The following PALB2 variants were observed in gnomAD, a reference collection of about 807,000 sequenced individuals.
The protein encoded by PALB2 is mutant partner and localizer of BRCA2.
PALB2 carries 82 observed loss-of-function variants against 107.4 expected under a neutral mutation model. That is an observed-to-expected ratio of 0.76 (90% CI 0.64 to 0.92). The LOEUF (loss-of-function observed/expected upper bound fraction) is 0.92. PALB2 is among the 40% of genes least tolerant of loss of function. The probability of loss-of-function intolerance (pLI) is 0.00; values close to 1 mark genes in which losing one functional copy is unlikely to be tolerated. For missense variants in PALB2, 1,374 were observed against 1,379.9 expected (o/e 1.00, Z 0.07); for synonymous variants, 489 against 496.8 (o/e 0.98, Z 0.21).
intron 7 of PALB2, among the ~76,000 whole-genome samples, 156 bp downstream of exon 7, chr16:23,626,080 T>C (rs759065469): frequency 4.6e-5 from 7 of 152,244 alleles, no homozygotes; most frequent in Non-Finnish European, 1.0e-4. Context: ...ACAACTTTTC[T>C]GGATGTTTGA....
chr16:23,619,109 G>A (rs1966730660), intron 10 of PALB2, among the ~76,000 whole-genome samples: 1 of 152,124 alleles, frequency 6.6e-6, no homozygotes, highest in African/African-American at 2.4e-5. Context: ...CTAGGGTAGT[G>A]GTCACACTAA....
intron 11 of PALB2, among the ~76,000 whole-genome samples, chr16:23,612,375 C>T (rs924695174): frequency 9.9e-5 from 15 of 151,930 alleles, no homozygotes; most frequent in Middle Eastern, 3.4e-3. Flanking sequence ...CCTGACATGA[C>T]ATCTGGCTAA....
intron 11 of PALB2, among the ~76,000 whole-genome samples, chr16:23,609,488 A>C (rs1308885052): frequency 6.6e-6 from 1 of 152,192 alleles, no homozygotes; most frequent in Non-Finnish European, 1.5e-5. Flanking sequence ...AGAGGCTGAC[A>C]AACTATGGCC....
Position 23,630,244 on chromosome 16 carries a change from G to C in PALB2, c.1910C>G (p.Pro637Arg), listed in dbSNP as rs878855104. 6.2e-7 allele frequency: 1 copy of C among 1,614,064 alleles called. No individual in the cohort carries two copies. Among genetic ancestry groups the C allele is most frequent in the South Asian group, 1.1e-5 (1 of 91,076 alleles). Residue 637 changes from proline to arginine, a missense_variant, in exon 5 of 13, where the codon CCC becomes CGC. Pro to Arg is a moderately radical substitution (Grantham distance 103, BLOSUM62 -2). Transcript: ENST00000261584. ...VKSCSEKPVE[P>R]FESKMFGERH... Reference sequence around the variant, plus strand: ...CTCTCCAAACATTTTTGACTCAAAGGGCTCCACTGGTTTTTCTGAGCAGGA... The same window carrying C: ...CTCTCCAAACATTTTTGACTCAAAGCGCTCCACTGGTTTTTCTGAGCAGGA...
intron 4 of PALB2, among the ~76,000 whole-genome samples, chr16:23,630,888 T>C (rs1293741817): frequency 6.6e-6 from 1 of 151,876 alleles, no homozygotes; most frequent in Non-Finnish European, 1.5e-5. Context: ...GGTAAGAGAA[T>C]TGCTTGAGCC....
At chr16:23,609,805 C>T (rs969814937) in intron 11 of PALB2, among the ~76,000 whole-genome samples, 7 of 152,078 alleles carry the variant, frequency 4.6e-5, no homozygotes, top group South Asian at 2.1e-4. Context: ...CGTGAGCCAC[C>T]GCGCCTGGCC....
In PALB2 at chr16:23,637,851, T is replaced by C. The variant is rs786202650; in HGVS notation, c.210A>G (p.Ser70=). 1 of 1,607,512 alleles carries C rather than the reference T, an allele frequency of 6.2e-7. No individual in the cohort carries two copies. Among genetic ancestry groups the C allele is most frequent in the African/African-American group, 1.3e-5 (1 of 74,914 alleles). The part of the protein sequence containing the change: ...QQDLSPQLKH[S]EPKNKICVYD... ...CATAAGTGAATGGTCTAGATTTACCTGAGTGTTTTAGCTGCGGTGAGAGAT... is the reference window on the plus strand; with the variant it reads ...CATAAGTGAATGGTCTAGATTTACCCGAGTGTTTTAGCTGCGGTGAGAGAT... The change falls in exon 3 of 13, where the codon TCA becomes TCG. Residue 70 remains serine, a splice_region_variant and synonymous_variant. Transcript: ENST00000261584.
rs1567218470 is a variant in PALB2, at chr16:23,630,222, T to G, written c.1932A>C (p.Gly644=). 3.1e-6 allele frequency: 5 copies of G among 1,614,130 alleles called. No individual in the cohort carries two copies. The highest frequency in any genetic ancestry group is 4.2e-6 in the Non-Finnish European group (5 of 1,180,026). Residue 644 remains glycine, a synonymous_variant, in exon 5 of 13, where the codon GGA becomes GGC. Coordinates refer to ENST00000261584, the MANE Select transcript of PALB2 (RefSeq NM_024675.4). ...PVEPFESKMF[G]ERHLKEGSCI... is the part of the protein sequence containing the mutation. ...AGCTTCCCTCTTTAAGATGTCTCTC[T>G]CCAAACATTTTTGACTCAAAGGGCT... is the stretch of plus-strand genomic sequence containing the variant.
At chr16:23,631,524 T>TATAA (rs1195672067) in intron 4 of PALB2, among the ~76,000 whole-genome samples, 165 of 151,898 alleles carry the variant, frequency 1.1e-3, no homozygotes, top group African/African-American at 3.9e-3. Context: ...TGGCCAACAG[T>TATAA]ATAAATAAAT....
At chr16:23,636,963 C>A (rs1967077963) in intron 3 of PALB2, among the ~76,000 whole-genome samples, 1 of 152,040 alleles carries the variant, frequency 6.6e-6, no homozygotes, top group Admixed American at 6.6e-5. Flanking sequence ...TTAAAAAAAA[C>A]CTTTCACTGG....
chr16:23,638,356 T>C (rs1325120121), intron 1 of PALB2: 2 of 597,934 alleles, frequency 3.3e-6, no homozygotes, highest in African/African-American at 1.9e-5. Context: ...TTCCTACTGA[T>C]TCCTCAAACC....
chr16:23,631,334 T>C (rs75285377), intron 4 of PALB2, among the ~76,000 whole-genome samples: 2 of 131,476 alleles, frequency 1.5e-5, no homozygotes, highest in Non-Finnish European at 3.2e-5. Context: ...CTGGGCATGG[T>C]GGTGCGTGCC....
chr16:23,624,793 G>A (rs12932048), intron 7 of PALB2, among the ~76,000 whole-genome samples: 3 of 152,190 alleles, frequency 2.0e-5, no homozygotes, highest in African/African-American at 4.8e-5. Flanking sequence ...TTACAGGCGT[G>A]AGCCACCTCG....
chr16:23,607,827 A>T (rs761299576), intron 12 of PALB2, 37 bp downstream of exon 12: 1 of 1,612,616 alleles, frequency 6.2e-7, no homozygotes, highest in Non-Finnish European at 8.5e-7. Context: ...GCCTTTCAGA[A>T]TGTCCCACCC....
rs1200825980 is a variant in PALB2, at chr16:23,634,977, T to C, written c.1569A>G (p.Ala523=). 2 of 1,614,088 alleles carry C rather than the reference T, an allele frequency of 1.2e-6. No homozygotes were observed. Among genetic ancestry groups the C allele is most frequent in the African/African-American group, 2.7e-5 (2 of 74,940 alleles). The change falls in exon 4 of 13, where the codon GCA becomes GCG. Residue 523 remains alanine (A), a synonymous_variant. Coordinates refer to ENST00000261584, the MANE Select transcript of PALB2 (RefSeq NM_024675.4). ...TGKRKSACTP[A]SDHCEPLLPT... is the part of the protein sequence containing the mutation. Reference sequence around the variant, plus strand: ...GCAAAAGTGGTTCACAATGATCTGATGCTGGGGTGCAGGCTGATTTTCTTT... The same window carrying C: ...GCAAAAGTGGTTCACAATGATCTGACGCTGGGGTGCAGGCTGATTTTCTTT...
intron 4 of PALB2, among the ~76,000 whole-genome samples, chr16:23,631,367 G>A (rs1247091904): frequency 6.7e-6 from 1 of 150,208 alleles, no homozygotes; most frequent in Non-Finnish European, 1.5e-5. Flanking sequence ...TACTCAGGAA[G>A]CTGAGGTAGG....
At chr16:23,621,561 T>C (rs1966774742) in intron 9 of PALB2, 83 bp from the exon 10 acceptor site, 1 of 819,584 alleles carries the variant, frequency 1.2e-6, no homozygotes, top group Non-Finnish European at 2.1e-6. Context: ...TTGAACTGCA[T>C]AATATAAACT....
At chr16:23,639,776 A>G (rs895352166) in intron 1 of PALB2, among the ~76,000 whole-genome samples, 6 of 150,000 alleles carry the variant, frequency 4.0e-5, no homozygotes, top group Non-Finnish European at 7.4e-5. Context: ...GCCAAGATCG[A>G]GCCACTGCAC....
chr16:23,609,295 A>G (rs1411986882), intron 11 of PALB2, among the ~76,000 whole-genome samples: 1 of 152,212 alleles, frequency 6.6e-6, no homozygotes, highest in Non-Finnish European at 1.5e-5. Context: ...GCTGTGGCTC[A>G]TGCCATGTAA....
Sources: gnomAD v4.1 joint callset for allele counts (sites outside exome capture counted in the v4.1 genomes callset) on GRCh38, gnomAD v4.1.1 for gene constraint, MANE v1.5 for transcripts, NCBI Gene and HGNC (gene_info 2026-07-23, HGNC 2026-07-21) for gene names.